The following PDE10A variants were observed in gnomAD, a reference collection of about 807,000 sequenced individuals.
PDE10A encodes phosphodiesterase 10A.
Under a neutral mutation model 97.7 loss-of-function variants are expected in PDE10A, and 39 were observed. The observed-to-expected ratio is 0.40, with a 90% CI of 0.31 to 0.52. The LOEUF (loss-of-function observed/expected upper bound fraction) is 0.52. Among genes scored for constraint, PDE10A ranks in the 20% least tolerant of loss-of-function variants. PDE10A has a pLI of 0.56. For synonymous variants in PDE10A, 371 were observed against 376.8 expected (o/e 0.98, Z 0.18); for missense variants, 731 against 1,047.8 (o/e 0.70, Z 4.17).
chr6:165,435,780 G>GC (rs1789974272), intron 5 of PDE10A, among the ~76,000 whole-genome samples: 1 of 152,140 alleles, frequency 6.6e-6, no homozygotes, highest in Admixed American at 6.5e-5. Context: ...ATCAGTAGCT[G>GC]CAAGTCAAGT....
chr6:165,389,896 A>G (rs1055673572), intron 16 of PDE10A, among the ~76,000 whole-genome samples: 1 of 152,234 alleles, frequency 6.6e-6, no homozygotes, highest in African/African-American at 2.4e-5. Flanking sequence ...ATTGAAGGGA[A>G]GAAAGAACTC....
chr6:165,327,911 A>T lies in PDE10A; in HGVS notation c.*5114T>A, dbSNP rs1011005420. 6.6e-6 allele frequency: 1 copy of T among 152,212 alleles called. No individual in the cohort carries two copies. Among genetic ancestry groups the T allele is most frequent in the Non-Finnish European group, 1.5e-5 (1 of 68,048 alleles). The allele number at this position is 152,212 out of a possible 1,614,324, so 9.4% of individuals were successfully genotyped here. A position where few individuals can be genotyped will look rare whatever the true frequency, so the allele number is the denominator to read the frequency against. ...TACTCTCCAGTAGTTTTTGGTCAGC[A>T]AGATTATCAACAGCAAACTCTTAGA... is the stretch of plus-strand genomic sequence containing the variant. On this transcript the variant is annotated 3_prime_UTR_variant, in exon 22 of 22. Transcript: ENST00000539869.
At chr6:165,665,329 C>G (rs1790471173), upstream of PDE10A, among the ~76,000 whole-genome samples, 3 of 152,214 alleles carry the variant, frequency 2.0e-5, no homozygotes, top group Admixed American at 2.0e-4. Flanking sequence ...CTCACCCGTG[C>G]TCAGGTGGCT....
intron 2 of PDE10A, among the ~76,000 whole-genome samples, chr6:165,508,795 C>A (rs1781346929): frequency 6.6e-6 from 1 of 151,922 alleles, no homozygotes; most frequent in African/African-American, 2.4e-5. Context: ...CATTTACATA[C>A]CATAAAGTTC....
At chr6:165,427,242 T>A (rs895012356) in intron 10 of PDE10A, among the ~76,000 whole-genome samples, 4 of 152,158 alleles carry the variant, frequency 2.6e-5, no homozygotes, top group South Asian at 2.1e-4. Flanking sequence ...ATGGATTTTT[T>A]AAAATCTGGT....
At chr6:165,444,854 G>A (rs375027635) in intron 5 of PDE10A, among the ~76,000 whole-genome samples, 152 of 151,980 alleles carry the variant, frequency 1.0e-3, no homozygotes, top group South Asian at 6.0e-3. Flanking sequence ...TTTCTACTGC[G>A]AAGAAATTCA....
chr6:165,344,359 TG>T (rs1782170221), intron 18 of PDE10A, among the ~76,000 whole-genome samples: 1 of 152,230 alleles, frequency 6.6e-6, no homozygotes, highest in Non-Finnish European at 1.5e-5. Flanking sequence ...CTTTAGCTTT[TG>T]TAAAGCAAAT....
In PDE10A at chr6:165,396,982, T is replaced by C. The variant is rs564624414; in HGVS notation, c.2077-523A>G. On this transcript the variant is annotated intron_variant, in intron 13 of 21. Transcript: ENST00000539869. ...TGTTACTGTTCTTAACAGGACTGAATTTGGGGTGTTATTGGTGTTCCAGCA... is the reference window on the plus strand; with the variant it reads ...TGTTACTGTTCTTAACAGGACTGAACTTGGGGTGTTATTGGTGTTCCAGCA... Among the ~76,000 whole-genome samples, 34 of 152,334 alleles carry C rather than the reference T, an allele frequency of 2.2e-4. No individual in the cohort carries two copies. The South Asian group carries it at 6.8e-3, about 31-fold the overall frequency.
intron 1 of PDE10A, among the ~76,000 whole-genome samples, chr6:165,921,811 G>C (rs1698036119): frequency 6.6e-6 from 1 of 152,210 alleles, no homozygotes; most frequent in Non-Finnish European, 1.5e-5. Flanking sequence ...GTAGGGTCTT[G>C]TGGGCTCTTG....
chr6:165,774,229 T>C (rs966487779), intron 1 of PDE10A, among the ~76,000 whole-genome samples: 4 of 152,078 alleles, frequency 2.6e-5, no homozygotes, highest in African/African-American at 9.7e-5. Context: ...TATCTTAACA[T>C]TTGTGCCTTC....
intron 1 of PDE10A, among the ~76,000 whole-genome samples, chr6:165,794,169 T>C (rs1026452462): frequency 6.8e-6 from 1 of 147,334 alleles, no homozygotes; most frequent in African/African-American, 2.5e-5. Flanking sequence ...TGCACACTCA[T>C]ACACTCCCTC....
At chr6:165,349,634 G>C (rs1782564561) in intron 18 of PDE10A, among the ~76,000 whole-genome samples, 1 of 152,130 alleles carries the variant, frequency 6.6e-6, no homozygotes. Context: ...AGACAATGGG[G>C]ATGTCTCCAG....
intron 1 of PDE10A, among the ~76,000 whole-genome samples, chr6:165,625,113 A>G (rs1788321496): frequency 7.0e-6 from 1 of 143,310 alleles, no homozygotes; most frequent in Non-Finnish European, 1.5e-5. Context: ...TGGCAGAGGA[A>G]GCCAGCCTTC....
In PDE10A at chr6:165,979,660, G is replaced by T. The variant is rs181595894; in HGVS notation, c.-615+7869C>A. Among the ~76,000 whole-genome samples the T allele has an allele frequency of 6.7e-4, 102 of 152,234 alleles. No individual in the cohort carries two copies. The East Asian group carries it at 0.016, about 24-fold the overall frequency. On this transcript the variant is annotated intron_variant, in intron 1 of 19. Coordinates refer to the PDE10A transcript ENST00000366882. ...CACTGGTAGGAGCAGGGACAAAACG[G>T]TACAAGGCAGGGGTTATCAACTCCC...
chr6:165,808,493 C>T (rs192437624), intron 1 of PDE10A, among the ~76,000 whole-genome samples: 1 of 152,310 alleles, frequency 6.6e-6, no homozygotes, highest in Admixed American at 6.5e-5. Flanking sequence ...TTTTCCATGT[C>T]CTAAGCCCCA....
intron 13 of PDE10A, among the ~76,000 whole-genome samples, chr6:165,397,512 C>T (rs1786260923): frequency 1.3e-5 from 2 of 151,986 alleles, no homozygotes; most frequent in Non-Finnish European, 2.9e-5. Flanking sequence ...GAGTTCAAGA[C>T]CAGCCTGGCC....
At chr6:165,892,464 G>A (rs1781831218) in intron 1 of PDE10A, among the ~76,000 whole-genome samples, 1 of 152,228 alleles carries the variant, frequency 6.6e-6, no homozygotes, top group Non-Finnish European at 1.5e-5. Flanking sequence ...TGCCGAGCCT[G>A]GCCACCATGT....
chr6:165,932,204 G>C (rs1219276823), intron 1 of PDE10A, among the ~76,000 whole-genome samples: 1 of 152,180 alleles, frequency 6.6e-6, no homozygotes. Context: ...AGAAATACCA[G>C]TCTAGGAATG....
chr6:165,636,735 CT>C (rs1788897747), intron 1 of PDE10A, among the ~76,000 whole-genome samples: 1 of 152,190 alleles, frequency 6.6e-6, no homozygotes, highest in South Asian at 2.1e-4. Flanking sequence ...TTGTGAAGTA[CT>C]AATTGGAGGT....
Sources: gnomAD v4.1 joint callset for allele counts (sites outside exome capture counted in the v4.1 genomes callset) on GRCh38, gnomAD v4.1.1 for gene constraint, MANE v1.5 for transcripts, NCBI Gene and HGNC (gene_info 2026-07-23, HGNC 2026-07-21) for gene names.